Variants in COG5 observed in about 807,000 individuals in gnomAD.
The protein encoded by COG5 is conserved oligomeric Golgi complex subunit 5.
In COG5, 86 loss-of-function variants were observed where a neutral mutation model predicts 110.4. The observed-to-expected ratio is 0.78, with a 90% CI of 0.65 to 0.93. The LOEUF (loss-of-function observed/expected upper bound fraction) is 0.93. COG5 is among the 40% of genes least tolerant of loss of function. The pLI is 0.00. For synonymous variants in COG5, 360 were observed against 334.6 expected (o/e 1.08, Z -0.83); for missense variants, 1,077 against 987.0 (o/e 1.09, Z -1.22).
In COG5 at chr7:107,236,684, T is replaced by C. The variant is rs759946555; in HGVS notation, c.1857A>G (p.Ser619=). 8 of 1,611,328 alleles carry C rather than the reference T, an allele frequency of 5.0e-6. No homozygotes were observed. Among genetic ancestry groups the C allele is most frequent in the Non-Finnish European group, 6.8e-6 (8 of 1,177,626 alleles). Reference sequence around the variant, plus strand: ...CATCAGGTTTTCCTGAGCTGGATAATGACCTGTAAAAGAAAAAGCAGCCCT... The same window carrying C: ...CATCAGGTTTTCCTGAGCTGGATAACGACCTGTAAAAGAAAAAGCAGCCCT... ...ITMHQEDFSG[S]LSSSGKPDVP... The change falls in exon 18 of 22, where the codon TCA becomes TCG. Residue 619 remains serine, a synonymous_variant. Coordinates refer to ENST00000297135, the MANE Select transcript of COG5 (RefSeq NM_006348.5).
chr7:107,464,776 A>T (rs144058539), intron 6 of COG5, among the ~76,000 whole-genome samples: 2 of 152,140 alleles, frequency 1.3e-5, no homozygotes, highest in Non-Finnish European at 2.9e-5. Context: ...TATGAGCATG[A>T]TATCAGTGAA....
chr7:107,210,242 T>C (rs1799065559), intron 21 of COG5: 1 of 1,275,352 alleles, frequency 7.8e-7, no homozygotes, highest in African/African-American at 1.5e-5. Context: ...TAGCAAATGA[T>C]GATTTTCAAA....
intron 10 of COG5, among the ~76,000 whole-genome samples, chr7:107,353,010 T>A (rs1005125388): frequency 6.6e-6 from 1 of 152,186 alleles, no homozygotes; most frequent in Non-Finnish European, 1.5e-5. Context: ...GATTAGACAG[T>A]GATAATAAAA....
intron 17 of COG5, among the ~76,000 whole-genome samples, chr7:107,245,664 A>T (rs1321766081): frequency 6.6e-6 from 1 of 152,240 alleles, no homozygotes; most frequent in African/African-American, 2.4e-5. Context: ...CAGGGAGGTA[A>T]AAGATCTCTA....
chr7:107,333,982 T>C (rs1475676676), intron 10 of COG5, among the ~76,000 whole-genome samples: 1 of 152,152 alleles, frequency 6.6e-6, no homozygotes, highest in Non-Finnish European at 1.5e-5. Context: ...CTATTTTCTC[T>C]CTCTTGGGGT....
At chr7:107,229,238 G>A (rs1800590435) in intron 19 of COG5, among the ~76,000 whole-genome samples, 1 of 152,036 alleles carries the variant, frequency 6.6e-6, no homozygotes, top group Non-Finnish European at 1.5e-5. Context: ...ATCACGAGGA[G>A]AGGAGATCGA....
chr7:107,406,021 T>C (rs1480374721), intron 7 of COG5, among the ~76,000 whole-genome samples: 2 of 152,222 alleles, frequency 1.3e-5, no homozygotes, highest in East Asian at 3.8e-4. Context: ...ACCCAGTTTA[T>C]GGTGTTTTGT....
At chr7:107,413,048 C>G (rs895637948) in intron 6 of COG5, among the ~76,000 whole-genome samples, 3 of 151,892 alleles carry the variant, frequency 2.0e-5, no homozygotes, top group Non-Finnish European at 4.4e-5. Context: ...ATACACTGCT[C>G]AGGCTGGAGT....
intron 10 of COG5, among the ~76,000 whole-genome samples, chr7:107,351,146 A>G (rs1812098216): frequency 6.6e-6 from 1 of 152,202 alleles, no homozygotes; most frequent in Admixed American, 6.5e-5. Flanking sequence ...GCCCTCAGAA[A>G]TAATGCCACA....
intron 17 of COG5, among the ~76,000 whole-genome samples, chr7:107,243,973 G>A (rs1411378907): frequency 2.0e-5 from 3 of 152,160 alleles, no homozygotes; most frequent in East Asian, 1.9e-4. Flanking sequence ...TGGGCTGGAC[G>A]TGGTGGCTCA....
chr7:107,432,342 G>C (rs1484123425), intron 6 of COG5, among the ~76,000 whole-genome samples: 1 of 152,138 alleles, frequency 6.6e-6, no homozygotes, highest in Non-Finnish European at 1.5e-5. Context: ...ACATTGCTGG[G>C]TTAAAATAAA....
At chr7:107,256,118 T>G (rs1802863343) in intron 16 of COG5, among the ~76,000 whole-genome samples, 1 of 152,172 alleles carries the variant, frequency 6.6e-6, no homozygotes, top group Non-Finnish European at 1.5e-5. Context: ...ACCATTATTG[T>G]TTATGCAATT....
intron 7 of COG5, among the ~76,000 whole-genome samples, chr7:107,410,519 C>T (rs751386696): frequency 1.3e-5 from 2 of 151,924 alleles, no homozygotes; most frequent in South Asian, 2.1e-4. Context: ...CTCGGCTCAC[C>T]GCAACCTCCG....
chr7:107,452,990 A>T (rs540112965), intron 6 of COG5, among the ~76,000 whole-genome samples: 1 of 152,172 alleles, frequency 6.6e-6, no homozygotes, highest in Non-Finnish European at 1.5e-5. Flanking sequence ...CCTTATACTT[A>T]ATCTTTAGTA....
At chr7:107,452,656 C>T (rs1463419099) in intron 6 of COG5, among the ~76,000 whole-genome samples, 1 of 152,114 alleles carries the variant, frequency 6.6e-6, no homozygotes, top group Non-Finnish European at 1.5e-5. Flanking sequence ...TTGCCTTTCC[C>T]CATGATTGTG....
At chr7:107,253,352 T>C (rs369415805) in intron 16 of COG5, 1 of 152,190 alleles carries the variant, frequency 6.6e-6, no homozygotes, top group Non-Finnish European at 1.5e-5. Context: ...AAATATGTTA[T>C]ACATTTTAAA....
At chr7:107,354,910 C>A (rs1812493304) in intron 10 of COG5, among the ~76,000 whole-genome samples, 2 of 152,204 alleles carry the variant, frequency 1.3e-5, no homozygotes, top group South Asian at 4.1e-4. Context: ...TTAATTACTA[C>A]ATTGTCCTGC....
intron 5 of COG5, among the ~76,000 whole-genome samples, chr7:107,529,191 G>T (rs1482295866): frequency 6.6e-6 from 1 of 152,014 alleles, no homozygotes; most frequent in Non-Finnish European, 1.5e-5. Flanking sequence ...AGTCACCCTC[G>T]TATCTCTGTC....
chr7:107,427,146 C>T (rs900132777), intron 6 of COG5, among the ~76,000 whole-genome samples: 4 of 152,126 alleles, frequency 2.6e-5, no homozygotes, highest in South Asian at 2.1e-4. Context: ...CTTTATTGAC[C>T]TCTCTCCAAA....
Sources: allele counts gnomAD v4.1 joint callset (sites outside exome capture counted in the v4.1 genomes callset), GRCh38; gene constraint gnomAD v4.1.1; transcripts MANE v1.5; gene names NCBI Gene and HGNC (gene_info 2026-07-23, HGNC 2026-07-21).